The following PDZD2 variants were observed in gnomAD, a reference collection of about 807,000 sequenced individuals.
PDZD2 encodes PDZ domain containing 2.
In PDZD2, 90 loss-of-function variants were observed where a neutral mutation model predicts 220.7. That is an observed-to-expected ratio of 0.41 (90% CI 0.34 to 0.49). The LOEUF (loss-of-function observed/expected upper bound fraction) is 0.49. PDZD2 is among the 20% of genes least tolerant of loss of function. PDZD2 has a pLI of 0.28. For synonymous variants in PDZD2, 1,375 were observed against 1,450.5 expected (o/e 0.95, Z 1.18); for missense variants, 3,174 against 3,608.5 (o/e 0.88, Z 3.08).
intron 1 of PDZD2, among the ~76,000 whole-genome samples, chr5:31,737,433 A>G (rs71627322): frequency 0.19 from 28,378 of 151,914 alleles, 2,704 homozygotes; most frequent in African/African-American, 0.2. Flanking sequence ...TGGCCTCCCA[A>G]AGTGCTGGGA....
chr5:31,804,620 G>A (rs1028366221), intron 2 of PDZD2, among the ~76,000 whole-genome samples: 17 of 152,118 alleles, frequency 1.1e-4, no homozygotes, highest in African/African-American at 4.1e-4. Context: ...TGGCTCCATT[G>A]TCTGTATTCC....
chr5:31,908,105 AAAAG>A (rs1312366276), intron 2 of PDZD2, among the ~76,000 whole-genome samples: 5 of 145,880 alleles, frequency 3.4e-5, no homozygotes, highest in South Asian at 4.2e-4. Context: ...AAAAAAAAAA[AAAAG>A]AAAGAAAAGG....
chr5:31,869,506 G>A (rs1738563244), intron 2 of PDZD2, among the ~76,000 whole-genome samples: 2 of 152,134 alleles, frequency 1.3e-5, no homozygotes, highest in South Asian at 4.1e-4. Flanking sequence ...GGAGGTTGCA[G>A]TGAGCCAAGA....
chr5:31,649,821 C>G (rs1179199259), intron 1 of PDZD2, among the ~76,000 whole-genome samples: 1 of 151,186 alleles, frequency 6.6e-6, no homozygotes, highest in Non-Finnish European at 1.5e-5. Flanking sequence ...GCCTATAGTC[C>G]CAGCTACTCA....
chr5:31,752,069 G>GTTTTTTTTTTTTTTTTTTTTTTTTTT (rs1491302993), intron 1 of PDZD2, among the ~76,000 whole-genome samples: 1 of 95,858 alleles, frequency 1.0e-5, no homozygotes, highest in Admixed American at 1.5e-4. Context: ...ATTGTTTTGG[G>GTTTTTTTTTTTTTTTTTTTTTTTTTT]TTTGTTTTTT....
At chr5:31,677,208 G>A (rs796513792) in intron 1 of PDZD2, among the ~76,000 whole-genome samples, 22 of 152,244 alleles carry the variant, frequency 1.4e-4, no homozygotes, top group African/African-American at 4.6e-4. Context: ...GAATGACAGC[G>A]GATTATTGTG....
chr5:32,092,864 G>C (rs779992052), intron 20 of PDZD2, 43 bp from the exon 21 acceptor site: 4 of 958,482 alleles, frequency 4.2e-6, no homozygotes, highest in Non-Finnish European at 6.5e-6. Context: ...TGAAGAAATT[G>C]CTTTTTTCTT....
rs1163127148 is a variant in PDZD2, at chr5:32,002,628, CACACCACCA to C, written c.1254+2362_1254+2370del. ...CCACACACACACCAACACACACCAA[CACACCACCA>C]ACACACACACCCCACATACTACACA... On this transcript the variant is annotated intron_variant, in intron 5 of 24. Coordinates refer to ENST00000438447, the MANE Select transcript of PDZD2 (RefSeq NM_178140.4). 7.7e-3 allele frequency among the ~76,000 whole-genome samples: 789 copies of C among 102,456 alleles called. 7 individuals are homozygous for C. The highest frequency in any genetic ancestry group is 0.016 in the Admixed American group (156 of 9,968). 67.2% of individuals were successfully genotyped at this position (102,456 alleles called of 152,430 possible).
intron 6 of PDZD2, among the ~76,000 whole-genome samples, chr5:32,021,360 G>A (rs1356725420): frequency 6.6e-6 from 1 of 151,952 alleles, no homozygotes; most frequent in African/African-American, 2.4e-5. Flanking sequence ...TGCCTCCCGG[G>A]TTTAAGCAAT....
intron 1 of PDZD2, among the ~76,000 whole-genome samples, chr5:31,748,636 G>T (rs530509361): frequency 6.6e-6 from 1 of 152,342 alleles, no homozygotes; most frequent in Non-Finnish European, 1.5e-5. Context: ...TTCCCTGCAT[G>T]TAGGCATTCC....
chr5:31,984,375 T>C (rs770239733), intron 3 of PDZD2, among the ~76,000 whole-genome samples: 7 of 152,178 alleles, frequency 4.6e-5, no homozygotes, highest in Non-Finnish European at 7.4e-5. Flanking sequence ...CCTATGAGAA[T>C]TGCATTTCTT....
At chr5:31,863,198 T>C (rs939495138) in intron 2 of PDZD2, among the ~76,000 whole-genome samples, 6 of 152,222 alleles carry the variant, frequency 3.9e-5, no homozygotes, top group African/African-American at 7.2e-5. Context: ...AGACCTTTTT[T>C]TTGACTGTTC....
chr5:32,078,635 A>C, intron 19 of PDZD2, among the ~76,000 whole-genome samples: 1 of 96,664 alleles, frequency 1.0e-5, no homozygotes, highest in Non-Finnish European at 2.2e-5. Flanking sequence ...GTGTCTCAAA[A>C]ATTAAAAAAA....
At position 32,004,121 on chromosome 5, in the gene PDZD2, T is replaced by A. The variant is rs185020448; in HGVS notation, c.1254+3850T>A. Among the ~76,000 whole-genome samples, 242 of 150,456 alleles carry A rather than the reference T, an allele frequency of 1.6e-3. 2 individuals carry two copies. Among genetic ancestry groups the A allele is most frequent in the African/African-American group, 5.7e-3 (233 of 41,050 alleles). ...AAAAAAAAGGTGGGGGGGCCACTTA[T>A]GGGTAAAGCAAATAATGAAGGGGCT... On this transcript the variant is annotated intron_variant, in intron 5 of 24. Coordinates refer to ENST00000438447, the MANE Select transcript of PDZD2 (RefSeq NM_178140.4).
intron 14 of PDZD2, among the ~76,000 whole-genome samples, chr5:32,069,209 C>T (rs1411913249): frequency 6.8e-6 from 1 of 146,578 alleles, no homozygotes. Flanking sequence ...GAGGTTGCAG[C>T]GAGCCAAGAT....
chr5:31,890,739 G>A (rs994876351), intron 2 of PDZD2, among the ~76,000 whole-genome samples: 3 of 152,162 alleles, frequency 2.0e-5, no homozygotes, highest in Non-Finnish European at 2.9e-5. Flanking sequence ...GGAAGTCCCT[G>A]TGGGCCCCTA....
In PDZD2 at chr5:31,755,643, T is replaced by G. The variant is rs560708895; in HGVS notation, c.-360-43246T>G. Among the ~76,000 whole-genome samples, 31 of 152,128 alleles carry G rather than the reference T, an allele frequency of 2.0e-4. No individual in the cohort carries two copies. The East Asian group carries it at 6.0e-3, about 29-fold the overall frequency. ...TTTTTTTTTTTTTTGCAGCTTTTGTTTCCTCAAAGTAAACATCTTTAAAAA... is the reference window on the plus strand; with the variant it reads ...TTTTTTTTTTTTTTGCAGCTTTTGTGTCCTCAAAGTAAACATCTTTAAAAA... On this transcript the variant is annotated intron_variant, in intron 1 of 24. Transcript: ENST00000438447.
intron 2 of PDZD2, among the ~76,000 whole-genome samples, chr5:31,895,955 C>A (rs1019687378): frequency 1.3e-5 from 2 of 152,132 alleles, no homozygotes; most frequent in African/African-American, 4.8e-5. Context: ...TTCATACATT[C>A]TCACTGTAAC....
In PDZD2 at chr5:31,653,463, C is replaced by T. The variant is rs1745426750; in HGVS notation, c.-361+14026C>T. On this transcript the variant is annotated intron_variant, in intron 1 of 24. Coordinates refer to ENST00000438447, the MANE Select transcript of PDZD2 (RefSeq NM_178140.4). ...CTACTTATAAGGAATCCATGAAGAT[C>T]CCCATAGTCTGAAATAGTCCTGTCC... 2.0e-5 allele frequency among the ~76,000 whole-genome samples: 3 copies of T among 152,084 alleles called. No individual in the cohort carries two copies. The South Asian group carries it at 6.2e-4, about 32-fold the overall frequency.
Sources: allele counts gnomAD v4.1 joint callset (sites outside exome capture counted in the v4.1 genomes callset), GRCh38; gene constraint gnomAD v4.1.1; transcripts MANE v1.5; gene names NCBI Gene and HGNC (gene_info 2026-07-23, HGNC 2026-07-21).